Variants in DNAH14 observed in about 807,000 individuals in gnomAD.
The protein encoded by DNAH14 is dynein axonemal heavy chain 14.
In DNAH14, 478 loss-of-function variants were observed where a neutral mutation model predicts 520.9. The ratio of observed to expected loss-of-function variants is 0.92; its 90% CI spans 0.85 to 0.99. The LOEUF (loss-of-function observed/expected upper bound fraction) is 0.99, where lower values mean the gene tolerates loss of function less well. Among genes scored for constraint, DNAH14 ranks in the 50% least tolerant of loss-of-function variants. The pLI, the probability that DNAH14 is intolerant of heterozygous loss-of-function variation, is 0.00. For synonymous variants in DNAH14, 1,581 were observed against 1,757.2 expected, an observed-to-expected ratio of 0.90 and a Z score of 2.51; for missense variants, 4,831 against 5,234.5, an observed-to-expected ratio of 0.92 and a Z score of 2.38.
intron 72 of DNAH14, among the ~76,000 whole-genome samples, chr1:225,353,101 ATAT>A (rs1292871421): frequency 6.6e-6 from 1 of 152,094 alleles, no homozygotes; most frequent in Non-Finnish European, 1.5e-5. Context: ...CAACACATCA[ATAT>A]TATCTGCATT....
chr1:225,335,018 GTATA>G (rs747855022), intron 66 of DNAH14, among the ~76,000 whole-genome samples: 5 of 148,322 alleles, frequency 3.4e-5, no homozygotes, highest in African/African-American at 5.0e-5. Context: ...ATACTTATAT[GTATA>G]TATACATACA....
At chr1:225,390,370 TG>T (rs1390551796) in intron 83 of DNAH14, among the ~76,000 whole-genome samples, 1 of 151,874 alleles carries the variant, frequency 6.6e-6, no homozygotes, top group Non-Finnish European at 1.5e-5. Flanking sequence ...CAACGATGCG[TG>T]GTCGTGGGGT....
In DNAH14 at chr1:225,332,376, A is replaced by T. The variant is rs141591069; in HGVS notation, c.9864+799A>T. On this transcript the variant is annotated intron_variant, in intron 65 of 85. Coordinates refer to ENST00000682510, the MANE Select transcript of DNAH14 (RefSeq NM_001367479.1). The stretch of plus-strand genomic sequence containing the variant: ...GACTGAGAGGCAGTGGAACATCAGC[A>T]TATCCCAGATGGTGAGCACCAAAAC... 3.1e-4 allele frequency among the ~76,000 whole-genome samples: 47 copies of T among 152,296 alleles called. No homozygotes were observed. In the East Asian group the frequency reaches 5.6e-3, roughly 18 times the overall value.
At chr1:224,935,416 A>C (rs2058966401) in intron 1 of DNAH14, among the ~76,000 whole-genome samples, 1 of 151,932 alleles carries the variant, frequency 6.6e-6, no homozygotes, top group Admixed American at 6.6e-5. Context: ...AATGGAAGCC[A>C]AAAGGGAGTA....
rs2094126646 is a variant in DNAH14 at position 225,300,892 on chromosome 1, C to A, written c.8493C>A (p.Asn2831Lys). The change falls in exon 56 of 86, where the codon AAC (asparagine) becomes AAA (lysine). Residue 2831 changes from asparagine (N) to lysine (K), a missense_variant. Coordinates refer to ENST00000682510, the MANE Select transcript of DNAH14 (RefSeq NM_001367479.1). Reference sequence around the variant, plus strand: ...AGGACTCATTTTTAGAAGATTTGAACTACATCATCAGTTCAGGAAGAATAC... The same window carrying A: ...AGGACTCATTTTTAGAAGATTTGAAATACATCATCAGTTCAGGAAGAATAC... The part of the protein sequence containing the change: ...IEQDSFLEDL[N>K]YIISSGRIPD... The A allele has an allele frequency of 6.5e-7, 1 of 1,550,350 alleles. No individual in the cohort carries two copies. The highest frequency in any genetic ancestry group is 2.0e-5 in the Admixed American group (1 of 50,776).
intron 21 of DNAH14, among the ~76,000 whole-genome samples, chr1:225,086,127 T>C (rs1449182698): frequency 6.6e-6 from 1 of 150,730 alleles, no homozygotes; most frequent in Admixed American, 6.6e-5. Flanking sequence ...CTAATAATAA[T>C]AATAATTATT....
chr1:225,346,198 G>T lies in DNAH14; in HGVS notation c.10915G>T (p.Val3639Phe). ...CCTAGACTGGTTTCATCAGGTTTTT[G>T]TTTCATCAGTAGTTTCCAAAAGCAA... ...FSLDWFHQVF[V>F]SSVVSKSKEQ... Residue 3639 changes from valine (V) to phenylalanine (F), a missense_variant, in exon 70 of 86, where the codon GTT becomes TTT. By Grantham distance (50) the Val-to-Phe change is conservative. Coordinates refer to ENST00000682510, the MANE Select transcript of DNAH14 (RefSeq NM_001367479.1). 1 of 1,551,432 alleles carries T rather than the reference G, an allele frequency of 6.4e-7. No homozygotes were observed. The highest frequency in any genetic ancestry group is 8.7e-7 in the Non-Finnish European group (1 of 1,146,888).
intron 38 of DNAH14, among the ~76,000 whole-genome samples, chr1:225,199,393 G>T (rs2086535707): frequency 1.3e-5 from 2 of 151,862 alleles, no homozygotes; most frequent in African/African-American, 2.4e-5. Context: ...GGTTTGGTTT[G>T]TTCTTGTTTC....
rs540348848 is a variant in DNAH14, at chr1:225,186,239, G to A, written c.5670+814G>A. ...TATGTGGATTTTTTTTCTGTCAGTG[G>A]GAAATATCCTGCTTCGAGATTATAC... On this transcript the variant is annotated intron_variant, in intron 37 of 85. Transcript: ENST00000682510. Among the ~76,000 whole-genome samples, 195 of 151,386 alleles carry A rather than the reference G, an allele frequency of 1.3e-3. 1 individual carries two copies. In the Middle Eastern group the frequency reaches 0.037, roughly 29 times the overall value.
chr1:224,970,144 T>C (rs2061418081), intron 7 of DNAH14, among the ~76,000 whole-genome samples: 3 of 152,166 alleles, frequency 2.0e-5, no homozygotes, highest in Non-Finnish European at 2.9e-5. Flanking sequence ...AGAAAGAGAA[T>C]GCGTCCCTGA....
In DNAH14 at chr1:225,169,776, A is replaced by G. The variant is rs544360375; in HGVS notation, c.5535+1748A>G. On this transcript the variant is annotated intron_variant, in intron 36 of 85. Transcript: ENST00000682510. ...TCAGGAAATAATGGAGAACGCCACA[A>G]AGATACTCCTTGAGAAGAGTAACTC... is the stretch of plus-strand genomic sequence containing the variant. Among the ~76,000 whole-genome samples the G allele has an allele frequency of 2.5e-4, 38 of 152,306 alleles. No homozygotes were observed. In the South Asian group the frequency reaches 2.7e-3, roughly 11 times the overall value.
chr1:225,070,175 CT>C (rs2071396290), intron 17 of DNAH14, among the ~76,000 whole-genome samples: 13 of 151,884 alleles, frequency 8.6e-5, no homozygotes, highest in Admixed American at 3.3e-4. Flanking sequence ...ATTCATTGGT[CT>C]TTTGAATGGT....
At chr1:225,078,806 CT>C (rs1558883064) in intron 17 of DNAH14, among the ~76,000 whole-genome samples, 1 of 48,966 alleles carries the variant, frequency 2.0e-5, no homozygotes, top group East Asian at 4.8e-4. Context: ...CTCTCTCTCT[CT>C]CTCTCTCTCT....
chr1:225,015,449 G>A (rs1506070), intron 10 of DNAH14, among the ~76,000 whole-genome samples: 8,376 of 152,160 alleles, frequency 0.055, 470 homozygotes, highest in East Asian at 0.23. Flanking sequence ...TCTCTCCTTT[G>A]TATATCAGCT....
intron 23 of DNAH14, among the ~76,000 whole-genome samples, chr1:225,103,959 G>A: frequency 1.4e-5 from 2 of 139,688 alleles, no homozygotes; most frequent in Non-Finnish European, 3.1e-5. Context: ...GGGCATCCCT[G>A]TCTTGTGCCA....
intron 46 of DNAH14, among the ~76,000 whole-genome samples, chr1:225,262,284 C>T (rs942277139): frequency 2.0e-5 from 3 of 151,734 alleles, no homozygotes; most frequent in Non-Finnish European, 4.4e-5. Flanking sequence ...TTCTCCCATT[C>T]TGTAGGTTGT....
chr1:225,079,863 C>A (rs1288717745), intron 18 of DNAH14, among the ~76,000 whole-genome samples: 1 of 151,556 alleles, frequency 6.6e-6, no homozygotes, highest in Non-Finnish European at 1.5e-5. Flanking sequence ...TTAGTAGAGA[C>A]GAGGTTTCAC....
chr1:225,214,391 C>T (rs12062189), intron 41 of DNAH14, among the ~76,000 whole-genome samples: 3,235 of 152,056 alleles, frequency 0.021, 93 homozygotes, highest in African/African-American at 0.063. Context: ...TGTCTCTGCC[C>T]AGCTTTGGTA....
intron 11 of DNAH14, 23 bp downstream of exon 11, chr1:225,023,888 A>G (rs1268544561): frequency 6.7e-7 from 1 of 1,502,950 alleles, no homozygotes; most frequent in Non-Finnish European, 8.9e-7. Flanking sequence ...TTTGAAGTCA[A>G]AAAGTAACTT....
Sources: allele counts gnomAD v4.1 joint callset (sites outside exome capture counted in the v4.1 genomes callset), GRCh38; gene constraint gnomAD v4.1.1; transcripts MANE v1.5; gene names NCBI Gene and HGNC (gene_info 2026-07-23, HGNC 2026-07-21).